The following UBE2E2 variants were observed in gnomAD, a reference collection of about 807,000 sequenced individuals.
UBE2E2 encodes the protein ubiquitin conjugating enzyme E2 E2, also known as ubiquitin-conjugating enzyme E2 E2.
UBE2E2 carries 6 observed loss-of-function variants against 24.7 expected under a neutral mutation model. That is an observed-to-expected ratio of 0.24 (90% confidence interval 0.13 to 0.48). The LOEUF (loss-of-function observed/expected upper bound fraction) is 0.48, where lower values mean the gene tolerates loss of function less well. Ranked by LOEUF, UBE2E2 falls within the 20% of genes least tolerant of loss-of-function variation. UBE2E2 has a pLI of 0.99. For synonymous variants in UBE2E2, 104 were observed against 83.6 expected (o/e 1.24, Z -1.33); for missense variants, 169 against 245.0 (o/e 0.69, Z 2.07).
Position 23,322,533 on chromosome 3 carries a change from A to G in UBE2E2, c.227+105221A>G, listed in dbSNP as rs142477206. ...TATTTTCTGTAAAGCTTCATAGTCTATATCTTAAGATGGTAACTATCTCTG... is the reference window on the plus strand; with the variant it reads ...TATTTTCTGTAAAGCTTCATAGTCTGTATCTTAAGATGGTAACTATCTCTG... On this transcript the variant is annotated intron_variant, in intron 3 of 5. Coordinates refer to ENST00000396703, the MANE Select transcript of UBE2E2 (RefSeq NM_152653.4). 3.0e-3 allele frequency among the ~76,000 whole-genome samples: 453 copies of G among 152,274 alleles called. 3 individuals carry two copies. Among genetic ancestry groups the G allele is most frequent in the African/African-American group, 0.01 (435 of 41,584 alleles).
At chr3:23,346,264 T>C (rs1314914887) in intron 3 of UBE2E2, among the ~76,000 whole-genome samples, 1 of 152,122 alleles carries the variant, frequency 6.6e-6, no homozygotes, top group Non-Finnish European at 1.5e-5. Context: ...CATATGAAAA[T>C]TTGTCCAACA....
chr3:23,250,886 C>T (rs889138710), intron 3 of UBE2E2, among the ~76,000 whole-genome samples: 6 of 152,226 alleles, frequency 3.9e-5, no homozygotes, highest in African/African-American at 1.4e-4. Context: ...GAGACAGAGT[C>T]GCACTCTGTC....
Position 23,294,520 on chromosome 3 carries a change from A to G in UBE2E2, c.227+77208A>G, listed in dbSNP as rs181133898. 3.9e-3 allele frequency among the ~76,000 whole-genome samples: 585 copies of G among 151,428 alleles called. 5 individuals carry two copies. The highest frequency in any genetic ancestry group is 6.8e-3 in the Non-Finnish European group (459 of 67,840). On this transcript the variant is annotated intron_variant, in intron 3 of 5. Transcript: ENST00000396703. ...CTGTTTCCATTTATCTTGATCATCT[A>G]TGTAGTAAGTGCAGCGTTTAGATTA...
intron 3 of UBE2E2, among the ~76,000 whole-genome samples, chr3:23,311,128 A>G (rs1317255681): frequency 1.3e-5 from 2 of 152,024 alleles, no homozygotes; most frequent in East Asian, 3.9e-4. Context: ...TGTCCTTGTG[A>G]TAGTTTGCTG....
intron 3 of UBE2E2, among the ~76,000 whole-genome samples, chr3:23,271,451 G>C (rs916930676): frequency 6.6e-6 from 1 of 152,176 alleles, no homozygotes; most frequent in Non-Finnish European, 1.5e-5. Flanking sequence ...CTTCCACAGC[G>C]TGGTAAGGGG....
chr3:23,267,491 C>G (rs1374988839), intron 3 of UBE2E2, among the ~76,000 whole-genome samples: 1 of 152,116 alleles, frequency 6.6e-6, no homozygotes. Context: ...TACACCATCC[C>G]AAGACTAAAC....
chr3:23,555,244 G>A (rs1397517569), intron 5 of UBE2E2, among the ~76,000 whole-genome samples: 4 of 152,080 alleles, frequency 2.6e-5, no homozygotes, highest in African/African-American at 9.7e-5. Context: ...ATCCAAAGAT[G>A]ACATTAAAAT....
intron 3 of UBE2E2, among the ~76,000 whole-genome samples, chr3:23,355,975 G>A (rs1036478789): frequency 6.6e-5 from 10 of 152,194 alleles, no homozygotes; most frequent in Non-Finnish European, 1.5e-4. Flanking sequence ...GAGGCTGCCA[G>A]CTATCAACTG....
chr3:23,413,462 C>T (rs1445155090), intron 3 of UBE2E2, among the ~76,000 whole-genome samples: 3 of 152,074 alleles, frequency 2.0e-5, no homozygotes, highest in Non-Finnish European at 4.4e-5. Flanking sequence ...ATCTTTTGGC[C>T]TTGTCCCTGC....
At chr3:23,406,144 A>C (rs1008062818) in intron 3 of UBE2E2, among the ~76,000 whole-genome samples, 2 of 152,256 alleles carry the variant, frequency 1.3e-5, no homozygotes, top group Non-Finnish European at 2.9e-5. Flanking sequence ...CAGAATTATA[A>C]AGTAAAAGAC....
chr3:23,427,930 A>C (rs1050447802), intron 3 of UBE2E2, among the ~76,000 whole-genome samples: 7 of 152,240 alleles, frequency 4.6e-5, no homozygotes, highest in African/African-American at 1.7e-4. Flanking sequence ...ACAAAAACTT[A>C]CAGAACTATA....
rs77905232 is a variant in UBE2E2, at chr3:23,226,928, A to G, written c.227+9616A>G. Among the ~76,000 whole-genome samples the G allele has an allele frequency of 6.5e-3, 991 of 151,450 alleles. 14 individuals carry two copies. Among genetic ancestry groups the G allele is most frequent in the African/African-American group, 0.023 (952 of 41,336 alleles). On this transcript the variant is annotated intron_variant, in intron 3 of 5. Coordinates refer to ENST00000396703, the MANE Select transcript of UBE2E2 (RefSeq NM_152653.4). ...AGTAAGAAAAGTGTTGCATGAATAC[A>G]GGTTCAAGTTATATAAGACCTGGTG...
chr3:23,269,383 C>T (rs932746984), intron 3 of UBE2E2, among the ~76,000 whole-genome samples: 5 of 152,130 alleles, frequency 3.3e-5, no homozygotes, highest in Admixed American at 6.5e-5. Flanking sequence ...TTGGAGTTGG[C>T]GTGTAGCGTT....
At chr3:23,287,335 T>G (rs907119833) in intron 3 of UBE2E2, among the ~76,000 whole-genome samples, 1 of 152,186 alleles carries the variant, frequency 6.6e-6, no homozygotes, top group African/African-American at 2.4e-5. Flanking sequence ...TAGTATTTTG[T>G]TGAAGATTTT....
chr3:23,455,393 T>G (rs1698656302), intron 3 of UBE2E2, among the ~76,000 whole-genome samples: 1 of 152,208 alleles, frequency 6.6e-6, no homozygotes, highest in Non-Finnish European at 1.5e-5. Flanking sequence ...ACTTTATGTC[T>G]AAAGAGGACA....
At chr3:23,432,669 C>G (rs148790516) in intron 3 of UBE2E2, among the ~76,000 whole-genome samples, 2 of 151,830 alleles carry the variant, frequency 1.3e-5, no homozygotes, top group Non-Finnish European at 2.9e-5. Flanking sequence ...GTGGTTTTCT[C>G]AATTTTGGGC....
intron 3 of UBE2E2, among the ~76,000 whole-genome samples, chr3:23,306,371 T>C (rs1699237170): frequency 6.6e-6 from 1 of 152,196 alleles, no homozygotes; most frequent in Non-Finnish European, 1.5e-5. Context: ...TCTCTAACAG[T>C]AGTTTAGTTG....
intron 3 of UBE2E2, among the ~76,000 whole-genome samples, chr3:23,469,411 T>C (rs1367113765): frequency 6.6e-6 from 1 of 152,128 alleles, no homozygotes; most frequent in Non-Finnish European, 1.5e-5. Context: ...TTGTAACAAA[T>C]AGAGAAAAAT....
intron 3 of UBE2E2, among the ~76,000 whole-genome samples, chr3:23,329,763 C>T (rs1473825372): frequency 2.0e-5 from 3 of 152,174 alleles, no homozygotes; most frequent in Non-Finnish European, 2.9e-5. Flanking sequence ...AGAACGTTGC[C>T]GTACATGGGT....
Sources: gnomAD v4.1 joint callset for allele counts (sites outside exome capture counted in the v4.1 genomes callset) on GRCh38, gnomAD v4.1.1 for gene constraint, MANE v1.5 for transcripts, NCBI Gene and HGNC (gene_info 2026-07-23, HGNC 2026-07-21) for gene names.